ANKRD36: variants seen among roughly 807,000 people sequenced by gnomAD.
ANKRD36 encodes ankyrin repeat domain-containing protein 36A.
ANKRD36 carries 179 observed loss-of-function variants against 278.1 expected under a neutral mutation model. The ratio of observed to expected loss-of-function variants is 0.64; its 90% CI spans 0.57 to 0.73. The LOEUF (loss-of-function observed/expected upper bound fraction) is 0.73. Ranked by LOEUF, ANKRD36 falls within the 30% of genes least tolerant of loss-of-function variation. The pLI, the probability that ANKRD36 is intolerant of heterozygous loss-of-function variation, is 0.00. For missense variants in ANKRD36, 1,159 were observed against 1,956.7 expected, an observed-to-expected ratio of 0.59 and a Z score of 7.69; for synonymous variants, 320 against 641.1, an observed-to-expected ratio of 0.50 and a Z score of 7.57.
In ANKRD36 at chr2:97,209,390, T is replaced by C. The variant is rs550591307; in HGVS notation, c.3266-291T>C. The stretch of plus-strand genomic sequence containing the variant: ...TGTTCCTCTGATTTTAGATCACATT[T>C]GTCCTCATCACTCGGCATATCCACA... On this transcript the variant is annotated intron_variant, in intron 54 of 75. Transcript: ENST00000420699. Among the ~76,000 whole-genome samples the C allele has an allele frequency of 2.7e-5, 4 of 146,898 alleles. 1 individual carries two copies. Among genetic ancestry groups the C allele is most frequent in the African/African-American group, 1.1e-4 (4 of 37,938 alleles).
intron 41 of ANKRD36, 44 bp downstream of exon 41, chr2:97,196,665 T>G (rs1224803874): frequency 6.3e-7 from 1 of 1,597,748 alleles, no homozygotes; most frequent in African/African-American, 1.3e-5. Context: ...TAATGTATGG[T>G]CTATGAAACA....
At chr2:97,225,772 C>T (rs1008830112) in intron 67 of ANKRD36, among the ~76,000 whole-genome samples, 1 of 143,860 alleles carries the variant, frequency 7.0e-6, no homozygotes, top group Non-Finnish European at 1.5e-5. Flanking sequence ...CTATCCCTCC[C>T]CCCTCCCCCA....
chr2:97,133,859 C>T (rs1235399097), intron 6 of ANKRD36, among the ~76,000 whole-genome samples: 1 of 151,850 alleles, frequency 6.6e-6, no homozygotes, highest in African/African-American at 2.4e-5. Context: ...TAGCTCCCCC[C>T]ATTTTCAATA....
chr2:97,116,117 A>G (rs2035256140), intron 1 of ANKRD36, among the ~76,000 whole-genome samples: 1 of 152,144 alleles, frequency 6.6e-6, no homozygotes. Context: ...GTGTATTGTG[A>G]TATTTTCTCT....
At chr2:97,181,981 C>G (rs1243592798) in intron 26 of ANKRD36, among the ~76,000 whole-genome samples, 188 bp downstream of exon 26, 1 of 151,564 alleles carries the variant, frequency 6.6e-6, no homozygotes, top group Non-Finnish European at 1.5e-5. Flanking sequence ...AGATTATAGA[C>G]TTCCCCACAT....
At position 97,178,704 on chromosome 2, in the gene ANKRD36, G is replaced by A. The variant is rs12621682; in HGVS notation, c.1634-1034G>A. ...GGGGTGGGGGGAGGGGAGAGGGATA[G>A]CATTGGGAGATATACCTAATGCTAG... On this transcript the variant is annotated intron_variant, in intron 22 of 75. Coordinates refer to ENST00000420699, the MANE Select transcript of ANKRD36 (RefSeq NM_001354587.1). Among the ~76,000 whole-genome samples the A allele has an allele frequency of 2.9e-4, 44 of 150,808 alleles. No individual in the cohort carries two copies. The East Asian group carries it at 8.7e-3, about 30-fold the overall frequency.
chr2:97,181,522 G>GCTA, intron 24 of ANKRD36, 76 bp from the exon 25 acceptor site: 10 of 1,588,648 alleles, frequency 6.3e-6, no homozygotes, highest in Admixed American at 1.7e-5. Context: ...ACAGCTTGAT[G>GCTA]CTAACACTGC....
chr2:97,187,715 A>G lies in ANKRD36; in HGVS notation c.2143+314A>G, dbSNP rs373867267. ...TGCTTTAATTCTACAGCATGGTTTC[A>G]CTAAGGTGAAAGGAGAAAGAGAAGA... On this transcript the variant is annotated intron_variant, in intron 32 of 75. Transcript: ENST00000420699. 2.1e-4 allele frequency among the ~76,000 whole-genome samples: 32 copies of G among 151,944 alleles called. No individual in the cohort carries two copies. In the South Asian group the frequency reaches 3.4e-3, roughly 16 times the overall value.
chr2:97,153,620 GTCT>G (rs2153473022), intron 14 of ANKRD36, among the ~76,000 whole-genome samples: 1 of 146,756 alleles, frequency 6.8e-6, no homozygotes, highest in African/African-American at 2.4e-5. Flanking sequence ...TCAAAACGCA[GTCT>G]TCTTTTACAT....
At chr2:97,202,808 A>G (rs1419861732) in intron 48 of ANKRD36, among the ~76,000 whole-genome samples, 1 of 151,830 alleles carries the variant, frequency 6.6e-6, no homozygotes, top group African/African-American at 2.4e-5. Context: ...AGGAGAAGTA[A>G]GGAGACCCTT....
intron 34 of ANKRD36, 87 bp downstream of exon 34, chr2:97,189,377 G>C: frequency 1.7e-6 from 1 of 592,820 alleles, no homozygotes; most frequent in East Asian, 2.7e-5. Flanking sequence ...GAGGGTGGGT[G>C]GGGGGCTCGC....
chr2:97,201,192 C>T (rs12329064), intron 46 of ANKRD36, among the ~76,000 whole-genome samples: 97,715 of 151,376 alleles, frequency 0.65, 31,370 homozygotes, highest in Non-Finnish European at 0.79. Flanking sequence ...TTTGTTACTA[C>T]TAGGCATCAG....
chr2:97,140,266 G>A (rs566402630), intron 6 of ANKRD36, among the ~76,000 whole-genome samples: 2 of 151,530 alleles, frequency 1.3e-5, no homozygotes, highest in Admixed American at 1.3e-4. Flanking sequence ...GAAGATGTTG[G>A]TGCATTGAGG....
At chr2:97,186,912 G>T (rs1361621140) in intron 30 of ANKRD36, among the ~76,000 whole-genome samples, 1 of 151,848 alleles carries the variant, frequency 6.6e-6, no homozygotes, top group Non-Finnish European at 1.5e-5. Context: ...CATTTGTCGT[G>T]ATCACTTGGC....
chr2:97,231,214 C>A (rs1156434086), intron 67 of ANKRD36, among the ~76,000 whole-genome samples: 1 of 152,142 alleles, frequency 6.6e-6, no homozygotes, highest in East Asian at 2.0e-4. Flanking sequence ...TTACTGCTGT[C>A]TTTTTGTTTC....
At chr2:97,225,321 A>G (rs948715564) in intron 67 of ANKRD36, among the ~76,000 whole-genome samples, 2 of 152,086 alleles carry the variant, frequency 1.3e-5, no homozygotes, top group African/African-American at 4.8e-5. Flanking sequence ...TTAAAAATTT[A>G]TTTTCCTTTT....
chr2:97,179,022 T>C (rs1281458769), intron 22 of ANKRD36, among the ~76,000 whole-genome samples: 1 of 151,610 alleles, frequency 6.6e-6, no homozygotes, highest in Admixed American at 6.6e-5. Context: ...TGTATAAGTA[T>C]GTCAAATTTG....
At chr2:97,220,761 C>CTT (rs60699692) in intron 66 of ANKRD36, among the ~76,000 whole-genome samples, 2,386 of 70,206 alleles carry the variant, frequency 0.034, 91 homozygotes, top group African/African-American at 0.13. Flanking sequence ...TTTTAATTTT[C>CTT]TTTTTTTTTT....
chr2:97,122,706 T>A (rs1352885692), intron 3 of ANKRD36, among the ~76,000 whole-genome samples, 181 bp from the exon 4 acceptor site: 1 of 150,458 alleles, frequency 6.6e-6, no homozygotes, highest in Admixed American at 6.7e-5. Context: ...GCAGAGGAGG[T>A]TGTTTCCAGG....
Sources: gnomAD v4.1 joint callset for allele counts (sites outside exome capture counted in the v4.1 genomes callset) on GRCh38, gnomAD v4.1.1 for gene constraint, MANE v1.5 for transcripts, NCBI Gene and HGNC (gene_info 2026-07-23, HGNC 2026-07-21) for gene names.